Variants in FSD1L observed in about 807,000 individuals in gnomAD.
The protein encoded by FSD1L is fibronectin type III and SPRY domain containing 1 like, also known as FSD1-like protein.
A neutral mutation model predicts 71.6 loss-of-function variants in FSD1L; 45 were observed. The observed-to-expected ratio is 0.63, with a 90% CI of 0.49 to 0.81. The LOEUF (loss-of-function observed/expected upper bound fraction) is 0.81. FSD1L is among the 30% of genes least tolerant of loss of function. FSD1L has a pLI of 0.00. For synonymous variants in FSD1L, 197 were observed against 207.2 expected (o/e 0.95, Z 0.42); for missense variants, 561 against 618.1 (o/e 0.91, Z 0.98).
intron 7 of FSD1L, among the ~76,000 whole-genome samples, chr9:105,495,344 C>G (rs1429190349): frequency 6.6e-6 from 1 of 152,174 alleles, no homozygotes; most frequent in Non-Finnish European, 1.5e-5. Flanking sequence ...GTTTTTAAAG[C>G]CCGTCGGAAA....
chr9:105,454,338 C>T (rs910343442), intron 1 of FSD1L, among the ~76,000 whole-genome samples: 1 of 152,128 alleles, frequency 6.6e-6, no homozygotes, highest in African/African-American at 2.4e-5. Flanking sequence ...GCATGTTTTA[C>T]AGTACCCTTT....
intron 7 of FSD1L, among the ~76,000 whole-genome samples, chr9:105,506,122 T>G (rs1466957042): frequency 6.6e-6 from 1 of 152,210 alleles, no homozygotes; most frequent in Non-Finnish European, 1.5e-5. Flanking sequence ...TTAATATTGA[T>G]TTAATTTATA....
intron 2 of FSD1L, among the ~76,000 whole-genome samples, chr9:105,463,795 T>A (rs554932962): frequency 6.6e-6 from 1 of 152,228 alleles, no homozygotes; most frequent in South Asian, 2.1e-4. Context: ...TAGTTTCATA[T>A]CTCTAAAATA....
At chr9:105,484,687 T>C (rs1832420057) in intron 7 of FSD1L, among the ~76,000 whole-genome samples, 185 bp downstream of exon 7, 1 of 152,064 alleles carries the variant, frequency 6.6e-6, no homozygotes. Context: ...GTAGTAAAAA[T>C]TGCATTTTCA....
chr9:105,463,062 C>T (rs917136841), intron 2 of FSD1L, among the ~76,000 whole-genome samples: 6 of 150,844 alleles, frequency 4.0e-5, no homozygotes, highest in African/African-American at 9.7e-5. Context: ...TGCTTGAACC[C>T]GGGAGGTGGA....
chr9:105,529,011 A>T (rs886814877), intron 10 of FSD1L, among the ~76,000 whole-genome samples: 11 of 151,452 alleles, frequency 7.3e-5, no homozygotes, highest in Non-Finnish European at 1.0e-4. Flanking sequence ...CAAAGATATT[A>T]AAAAAAATGC....
intron 7 of FSD1L, among the ~76,000 whole-genome samples, chr9:105,486,878 T>C (rs776860548): frequency 2.0e-5 from 3 of 152,174 alleles, no homozygotes; most frequent in East Asian, 1.9e-4. Flanking sequence ...CCCTAGGAGC[T>C]ACCAACATTA....
At chr9:105,492,055 A>G (rs542962523) in intron 7 of FSD1L, among the ~76,000 whole-genome samples, 3 of 152,038 alleles carry the variant, frequency 2.0e-5, no homozygotes, top group Non-Finnish European at 2.9e-5. Flanking sequence ...ATTGATTGGA[A>G]TAGTTTCAGA....
chr9:105,477,382 A>G (rs1236871065), intron 5 of FSD1L, among the ~76,000 whole-genome samples: 1 of 152,212 alleles, frequency 6.6e-6, no homozygotes, highest in Non-Finnish European at 1.5e-5. Flanking sequence ...TAGACAGACA[A>G]ATTCACCCAG....
intron 13 of FSD1L, among the ~76,000 whole-genome samples, chr9:105,543,636 A>T (rs959168413): frequency 6.7e-6 from 1 of 149,584 alleles, no homozygotes; most frequent in African/African-American, 2.5e-5. Flanking sequence ...TCCTGTGTCC[A>T]TGTGTTTTCA....
At chr9:105,531,616 A>G (rs2131472456) in intron 10 of FSD1L, among the ~76,000 whole-genome samples, 1 of 152,334 alleles carries the variant, frequency 6.6e-6, no homozygotes, top group East Asian at 1.9e-4. Flanking sequence ...TCATTTTTGT[A>G]TAGTTACCAA....
At chr9:105,459,005 C>G (rs1281138375) in intron 1 of FSD1L, among the ~76,000 whole-genome samples, 1 of 152,242 alleles carries the variant, frequency 6.6e-6, no homozygotes, top group Non-Finnish European at 1.5e-5. Flanking sequence ...CTTTTCTGCT[C>G]TCTTTCTCTG....
intron 6 of FSD1L, among the ~76,000 whole-genome samples, chr9:105,481,359 A>T (rs1448334442): frequency 2.0e-5 from 3 of 149,922 alleles, no homozygotes; most frequent in Non-Finnish European, 1.5e-5. Flanking sequence ...ATCTTGGCTC[A>T]CTGCAGCCTC....
At position 105,548,560 on chromosome 9, in the gene FSD1L, G is replaced by T. The variant is rs1040495404; in HGVS notation, c.*2077G>T. The stretch of plus-strand genomic sequence containing the variant: ...GTTGTAGTGGTGAGGGCCCTCTGTT[G>T]CAGGGGCATGGGGAAATGCATATAT... On this transcript the variant is annotated 3_prime_UTR_variant, in exon 14 of 14. Transcript: ENST00000481272. 5.9e-5 allele frequency: 9 copies of T among 152,482 alleles called. No homozygotes were observed. Among genetic ancestry groups the T allele is most frequent in the Non-Finnish European group, 1.0e-4 (7 of 67,972 alleles). 9.4% of individuals were successfully genotyped at this position (152,482 alleles called of 1,614,324 possible).
At chr9:105,544,105 A>C (rs1836815152) in intron 13 of FSD1L, among the ~76,000 whole-genome samples, 1 of 152,140 alleles carries the variant, frequency 6.6e-6, no homozygotes. Context: ...TTGTTTCCTG[A>C]CTTTTTAATG....
At position 105,468,344 on chromosome 9, in the gene FSD1L, G is replaced by T. The variant is rs374590061; in HGVS notation, c.339+20G>T. The T allele has an allele frequency of 4.7e-5, 69 of 1,466,342 alleles. No individual in the cohort carries two copies. The African/African-American group carries it at 9.8e-4, about 21-fold the overall frequency. The allele number at this position is 1,466,342 out of a possible 1,614,324, so 90.8% of individuals were successfully genotyped here. On this transcript the variant is annotated intron_variant, in intron 4 of 13. Coordinates refer to ENST00000481272, the MANE Select transcript of FSD1L (RefSeq NM_001145313.3). ...TTACAGGTGAGATCATACAGCTATT[G>T]AAATATGGATAATTTTAGTCTATTT...
At chr9:105,526,208 T>A (rs1022804095) in intron 10 of FSD1L, 15 of 1,596,876 alleles carry the variant, frequency 9.4e-6, no homozygotes, top group Non-Finnish European at 1.3e-5. Context: ...AAATCTCTGA[T>A]TCCATTGTAT....
intron 8 of FSD1L, 108 bp downstream of exon 8, chr9:105,506,716 C>CT (rs1834070822): frequency 3.7e-6 from 3 of 809,800 alleles, no homozygotes; most frequent in Non-Finnish European, 5.8e-6. Context: ...TTTAGTCACA[C>CT]TGAGTTTTTA....
chr9:105,445,499 G>A (rs578066488), upstream of FSD1L, among the ~76,000 whole-genome samples: 22 of 152,198 alleles, frequency 1.4e-4, no homozygotes, highest in East Asian at 3.1e-3. Context: ...TTCTCTGGTG[G>A]TGCCTGTCAG....
Sources: allele counts gnomAD v4.1 joint callset (sites outside exome capture counted in the v4.1 genomes callset), GRCh38; gene constraint gnomAD v4.1.1; transcripts MANE v1.5; gene names NCBI Gene and HGNC (gene_info 2026-07-23, HGNC 2026-07-21).